RNF125: variants seen among roughly 807,000 people sequenced by gnomAD.
RNF125 encodes E3 ubiquitin-protein ligase RNF125.
RNF125 carries 21 observed loss-of-function variants against 26.0 expected under a neutral mutation model. That is an observed-to-expected ratio of 0.81 (90% CI 0.57 to 1.16). RNF125 has a LOEUF of 1.16. RNF125 is among the 50% of genes most tolerant of loss of function. The pLI, the probability that RNF125 is intolerant of heterozygous loss-of-function variation, is 0.00. For synonymous variants in RNF125, 95 were observed against 109.2 expected (o/e 0.87, Z 0.81); for missense variants, 270 against 299.4 (o/e 0.90, Z 0.72).
chr18:32,066,458 CA>C (rs34052446), intron 5 of RNF125, among the ~76,000 whole-genome samples: 13,403 of 114,984 alleles, frequency 0.12, 547 homozygotes, highest in Non-Finnish European at 0.13. Flanking sequence ...GACTTTGTCT[CA>C]AAAAAAAAAA....
chr18:32,039,777 C>CTTTTT (rs1337442183), intron 2 of RNF125, among the ~76,000 whole-genome samples: 3 of 123,414 alleles, frequency 2.4e-5, no homozygotes, highest in African/African-American at 9.5e-5. Context: ...CTTTGAGATA[C>CTTTTT]TTTTTTTTTT....
chr18:32,085,373 C>CAGAGAGAGAGAGAGAGAGAG, the RNF125 span, among the ~76,000 whole-genome samples: 15 of 128,810 alleles, frequency 1.2e-4, no homozygotes, highest in African/African-American at 4.6e-4. Flanking sequence ...CTGCCAGAAG[C>CAGAGAGAGAGAGAGAGAGAG]AGAGAGAGAG....
chr18:32,019,730 C>T (rs2038967857), intron 1 of RNF125, among the ~76,000 whole-genome samples: 1 of 152,110 alleles, frequency 6.6e-6, no homozygotes, highest in Non-Finnish European at 1.5e-5. Context: ...CGCCAAGCCC[C>T]TGAATGTACT....
downstream of RNF125, chr18:32,076,093 A>G (rs1194691014): frequency 4.5e-6 from 3 of 673,026 alleles, no homozygotes; most frequent in Non-Finnish European, 8.2e-6. Context: ...GAGGTTCACA[A>G]TCTTCCCAGC....
intron 4 of RNF125, among the ~76,000 whole-genome samples, chr18:32,053,113 A>G: frequency 6.6e-6 from 1 of 152,250 alleles, no homozygotes; most frequent in Admixed American, 6.5e-5. Context: ...CTGTAATCCC[A>G]GCCCTTCGGG....
intron 4 of RNF125, among the ~76,000 whole-genome samples, chr18:32,053,233 A>G (rs1052382179): frequency 6.6e-6 from 1 of 152,028 alleles, no homozygotes; most frequent in African/African-American, 2.4e-5. Context: ...ATGGTGGTAC[A>G]TACCTGTAAT....
At chr18:32,064,815 C>T (rs938550505) in intron 4 of RNF125, among the ~76,000 whole-genome samples, 10 of 152,166 alleles carry the variant, frequency 6.6e-5, no homozygotes, top group East Asian at 5.8e-4. Context: ...AGTGAGCCAC[C>T]GCTCCTGGCC....
intron 4 of RNF125, among the ~76,000 whole-genome samples, chr18:32,051,382 C>T (rs1264911013): frequency 6.6e-6 from 1 of 151,770 alleles, no homozygotes; most frequent in Non-Finnish European, 1.5e-5. Context: ...TTTGGGAGGC[C>T]AAGGCAGGTG....
intron 4 of RNF125, among the ~76,000 whole-genome samples, chr18:32,060,849 C>A (rs557212451): frequency 6.6e-6 from 1 of 152,250 alleles, no homozygotes; most frequent in African/African-American, 2.4e-5. Flanking sequence ...TGACCAGAGA[C>A]TGAAGACTCC....
chr18:32,055,858 A>C (rs894676775), intron 4 of RNF125, among the ~76,000 whole-genome samples: 1 of 151,796 alleles, frequency 6.6e-6, no homozygotes, highest in African/African-American at 2.4e-5. Flanking sequence ...GCATGCCTGT[A>C]ATCCCAGCTT....
chr18:32,042,717 A>G (rs184667252), intron 3 of RNF125, among the ~76,000 whole-genome samples: 66 of 151,066 alleles, frequency 4.4e-4, no homozygotes, highest in Non-Finnish European at 8.0e-4. Context: ...ATCTCAGTAT[A>G]CAAGAGAACA....
chr18:32,059,476 C>A (rs1043773054), intron 4 of RNF125, among the ~76,000 whole-genome samples: 8 of 152,230 alleles, frequency 5.3e-5, no homozygotes, highest in African/African-American at 1.9e-4. Flanking sequence ...TTACTAATTT[C>A]TTTTCCTGTA....
At position 32,040,653 on chromosome 18, in the gene RNF125, T is replaced by G. The variant is rs546748729; in HGVS notation, c.319-1526T>G. On this transcript the variant is annotated intron_variant, in intron 2 of 5. Coordinates refer to ENST00000217740, the MANE Select transcript of RNF125 (RefSeq NM_017831.4). ...GTAAGCACCATTAGAACAGGCACAA[T>G]GAACTGCATTTCTTCTGCCATTTTT... 6.3e-4 allele frequency among the ~76,000 whole-genome samples: 96 copies of G among 152,344 alleles called. 1 individual carries two copies. Among genetic ancestry groups the G allele is most frequent in the Middle Eastern group, 3.4e-3 (1 of 294 alleles).
intron 4 of RNF125, among the ~76,000 whole-genome samples, chr18:32,063,771 C>G (rs2039456563): frequency 6.6e-6 from 1 of 152,102 alleles, no homozygotes; most frequent in Non-Finnish European, 1.5e-5. Context: ...CACCCAGCAA[C>G]TTAGATGGAT....
the RNF125 span, among the ~76,000 whole-genome samples, chr18:32,079,029 T>C: frequency 6.6e-6 from 1 of 152,232 alleles, no homozygotes; most frequent in Non-Finnish European, 1.5e-5. Flanking sequence ...TTTGTTTATA[T>C]ATCTGAGATC....
chr18:32,020,506 C>G (rs2038976705), intron 1 of RNF125, among the ~76,000 whole-genome samples: 1 of 151,682 alleles, frequency 6.6e-6, no homozygotes, highest in African/African-American at 2.4e-5. Flanking sequence ...TTTGGCTTAG[C>G]AGGAAGAAAG....
chr18:32,061,492 T>C (rs1046732307), intron 4 of RNF125, among the ~76,000 whole-genome samples: 4 of 152,174 alleles, frequency 2.6e-5, no homozygotes, highest in African/African-American at 9.7e-5. Flanking sequence ...TTCCAACTTA[T>C]CATTCCAAAC....
chr18:32,020,314 C>G (rs756369186), intron 1 of RNF125, among the ~76,000 whole-genome samples: 39 of 151,852 alleles, frequency 2.6e-4, no homozygotes, highest in Admixed American at 2.3e-3. Context: ...TCCCAAAGTG[C>G]TGGGATTAAA....
chr18:32,058,226 A>T (rs1306834396), intron 4 of RNF125, among the ~76,000 whole-genome samples: 1 of 151,910 alleles, frequency 6.6e-6, no homozygotes, highest in African/African-American at 2.4e-5. Flanking sequence ...AGGTGTATAT[A>T]TTTATGGGGC....
Sources: gnomAD v4.1 joint callset for allele counts (sites outside exome capture counted in the v4.1 genomes callset) on GRCh38, gnomAD v4.1.1 for gene constraint, MANE v1.5 for transcripts, NCBI Gene and HGNC (gene_info 2026-07-23, HGNC 2026-07-21) for gene names.